The following IL1RAP variants were observed in gnomAD, a reference collection of about 807,000 sequenced individuals.
IL1RAP encodes the protein interleukin 1 receptor accessory protein, also known as interleukin-1 receptor accessory protein.
A neutral mutation model predicts 60.7 loss-of-function variants in IL1RAP; 35 were observed. The observed-to-expected ratio is 0.58, with a 90% CI of 0.44 to 0.76. IL1RAP has a LOEUF of 0.76. Ranked by LOEUF, IL1RAP falls within the 30% of genes least tolerant of loss-of-function variation. The pLI, the probability that IL1RAP is intolerant of heterozygous loss-of-function variation, is 0.00. For missense variants in IL1RAP, 572 were observed against 693.9 expected, an observed-to-expected ratio of 0.82 and a Z score of 1.97; for synonymous variants, 268 against 250.9, an observed-to-expected ratio of 1.07 and a Z score of -0.64.
At chr3:190,619,091 C>A (rs1731530214) in intron 5 of IL1RAP, among the ~76,000 whole-genome samples, 2 of 152,142 alleles carry the variant, frequency 1.3e-5, no homozygotes, top group South Asian at 4.1e-4. Flanking sequence ...TTAGAGATAA[C>A]CTAATCTTTT....
At chr3:190,627,898 G>A (rs887474739) in intron 8 of IL1RAP, among the ~76,000 whole-genome samples, 2 of 152,022 alleles carry the variant, frequency 1.3e-5, no homozygotes, top group Non-Finnish European at 2.9e-5. Flanking sequence ...CTATGTATTT[G>A]TGCCTTAGGT....
intron 3 of IL1RAP, among the ~76,000 whole-genome samples, chr3:190,579,416 T>C (rs1727791453): frequency 6.6e-6 from 1 of 152,170 alleles, no homozygotes; most frequent in Admixed American, 6.5e-5. Flanking sequence ...TATATTATTA[T>C]TGTCACTTCA....
intron 1 of IL1RAP, among the ~76,000 whole-genome samples, chr3:190,552,004 A>G (rs1054474747): frequency 2.0e-5 from 3 of 152,214 alleles, no homozygotes; most frequent in African/African-American, 4.8e-5. Context: ...TGGCAATCCA[A>G]CGTACCTAAA....
chr3:190,658,910 G>A (rs1734697463), exon 12 of IL1RAP: 1 of 152,148 alleles, frequency 6.6e-6, no homozygotes, highest in South Asian at 2.1e-4. Context: ...TAAATATCCA[G>A]TAGAAAATGA....
intron 1 of IL1RAP, among the ~76,000 whole-genome samples, chr3:190,552,576 C>A (rs941814819): frequency 6.6e-6 from 1 of 152,086 alleles, no homozygotes; most frequent in African/African-American, 2.4e-5. Context: ...GCTTATCTTC[C>A]TTTAGGACAA....
At chr3:190,533,143 G>A (rs73058189) in intron 1 of IL1RAP, among the ~76,000 whole-genome samples, 4,074 of 152,268 alleles carry the variant, frequency 0.027, 184 homozygotes, top group African/African-American at 0.094. Context: ...AGAGGGAACC[G>A]TAGGCCCAAC....
In IL1RAP at chr3:190,649,692, G is replaced by C; in HGVS notation, c.*987G>C. 1 of 985,834 alleles carries C rather than the reference G, an allele frequency of 1.0e-6. No homozygotes were observed. The highest frequency in any genetic ancestry group is 1.2e-6 in the Non-Finnish European group (1 of 829,918). The allele number at this position is 985,834 out of a possible 1,614,324, so 61.1% of individuals were successfully genotyped here. A position where few individuals can be genotyped will look rare whatever the true frequency, so the allele number is the denominator to read the frequency against. On this transcript the variant is annotated 3_prime_UTR_variant, in exon 12 of 12. Coordinates refer to ENST00000447382, the MANE Select transcript of IL1RAP (RefSeq NM_002182.4). The stretch of plus-strand genomic sequence containing the variant: ...TTTTGTTGCTCCATTGTAAAGGGCG[G>C]AGGTCAGTCTTAGTGGCCTTGAGAG...
At chr3:190,559,877 G>T (rs544911860) in intron 2 of IL1RAP, among the ~76,000 whole-genome samples, 1 of 152,030 alleles carries the variant, frequency 6.6e-6, no homozygotes, top group Non-Finnish European at 1.5e-5. Flanking sequence ...AAATATGCCC[G>T]CGTTTTATAA....
chr3:190,578,718 G>A (rs1260772594), intron 3 of IL1RAP, among the ~76,000 whole-genome samples: 1 of 152,192 alleles, frequency 6.6e-6, no homozygotes, highest in East Asian at 1.9e-4. Context: ...AGCAAGAGAG[G>A]TTTAATGAAC....
At chr3:190,656,869 C>T (rs1734635622) in exon 12 of IL1RAP, 3 of 366,962 alleles carry the variant, frequency 8.2e-6, no homozygotes, top group African/African-American at 4.2e-5. Flanking sequence ...AAGTCTGATC[C>T]TCTATCTTGT....
intron 1 of IL1RAP, chr3:190,518,761 C>G (rs1379869943): frequency 6.6e-6 from 1 of 152,260 alleles, no homozygotes; most frequent in Non-Finnish European, 1.5e-5. Flanking sequence ...ACTATCTGAT[C>G]TTGTGAGACC....
At chr3:190,646,281 G>A (rs1046621514) in intron 11 of IL1RAP, among the ~76,000 whole-genome samples, 5 of 152,132 alleles carry the variant, frequency 3.3e-5, no homozygotes, top group Non-Finnish European at 4.4e-5. Context: ...AAAGTGAGTG[G>A]CGGAAGAGTG....
At chr3:190,600,698 C>G (rs1229466252) in intron 3 of IL1RAP, among the ~76,000 whole-genome samples, 1 of 152,190 alleles carries the variant, frequency 6.6e-6, no homozygotes, top group Non-Finnish European at 1.5e-5. Context: ...CATGGCCGCT[C>G]CTTACTTCAG....
chr3:190,533,699 A>G (rs1485477091), intron 1 of IL1RAP, among the ~76,000 whole-genome samples: 1 of 151,814 alleles, frequency 6.6e-6, no homozygotes, highest in East Asian at 1.9e-4. Context: ...ATCCGTGTAG[A>G]AAAACCTCCC....
chr3:190,646,868 T>C (rs1734051396), intron 11 of IL1RAP, among the ~76,000 whole-genome samples: 1 of 152,226 alleles, frequency 6.6e-6, no homozygotes, highest in Non-Finnish European at 1.5e-5. Context: ...AAGATGTTTC[T>C]TTCAGTATAA....
intron 5 of IL1RAP, among the ~76,000 whole-genome samples, chr3:190,618,724 C>G (rs148430168): frequency 2.6e-5 from 4 of 152,220 alleles, no homozygotes; most frequent in African/African-American, 7.2e-5. Context: ...AGACCTTATC[C>G]TTTGTGATAT....
intron 1 of IL1RAP, among the ~76,000 whole-genome samples, chr3:190,539,479 T>TC (rs1723747617): frequency 6.6e-6 from 1 of 152,070 alleles, no homozygotes; most frequent in Non-Finnish European, 1.5e-5. Flanking sequence ...CTTCCCCACT[T>TC]CCCCTGGTAT....
intron 1 of IL1RAP, among the ~76,000 whole-genome samples, chr3:190,542,690 A>G (rs890805485): frequency 6.6e-6 from 1 of 151,990 alleles, no homozygotes; most frequent in East Asian, 1.9e-4. Context: ...CCTTACCCAA[A>G]TTATGCTTCC....
intron 9 of IL1RAP, among the ~76,000 whole-genome samples, chr3:190,634,827 T>C (rs1057254442): frequency 1.3e-5 from 2 of 151,872 alleles, no homozygotes; most frequent in Non-Finnish European, 2.9e-5. Flanking sequence ...GCCATTCTCC[T>C]GCCTCAGCCT....
Sources: gnomAD v4.1 joint callset for allele counts (sites outside exome capture counted in the v4.1 genomes callset) on GRCh38, gnomAD v4.1.1 for gene constraint, MANE v1.5 for transcripts, NCBI Gene and HGNC (gene_info 2026-07-23, HGNC 2026-07-21) for gene names.